Variants in GTF2H5 observed in about 807,000 individuals in gnomAD.
GTF2H5 encodes the protein TFB5 ortholog.
Under a neutral mutation model 7.1 loss-of-function variants are expected in GTF2H5, and 5 were observed. That is an observed-to-expected ratio of 0.71 (90% CI 0.37 to 1.49). The LOEUF is 1.49. Among genes scored for constraint, GTF2H5 ranks in the 40% most tolerant of loss-of-function variants. The probability of loss-of-function intolerance (pLI) is 0.03; values close to 1 mark genes in which losing one functional copy is unlikely to be tolerated. For missense variants in GTF2H5, 80 were observed against 83.0 expected (o/e 0.96, Z 0.14); for synonymous variants, 30 against 31.7 (o/e 0.95, Z 0.18).
At chr6:158,177,134 A>G (rs1785944707) in intron 2 of GTF2H5, among the ~76,000 whole-genome samples, 2 of 152,346 alleles carry the variant, frequency 1.3e-5, no homozygotes, top group South Asian at 4.1e-4. Flanking sequence ...TGTTCCCAAC[A>G]GTAAATCATT....
chr6:158,180,002 A>T (rs1047792494), intron 2 of GTF2H5, among the ~76,000 whole-genome samples: 6 of 152,188 alleles, frequency 3.9e-5, no homozygotes, highest in Non-Finnish European at 5.9e-5. Context: ...ATTATGAGAT[A>T]ATAAGAGATA....
Position 158,169,425 on chromosome 6 carries a change from A to ATG in GTF2H5, c.-35+1031_-35+1032insGT, listed in dbSNP as rs1562467982. Among the ~76,000 whole-genome samples the ATG allele has an allele frequency of 7.4e-4, 54 of 72,844 alleles. 1 individual carries two copies. Among genetic ancestry groups the ATG allele is most frequent in the African/African-American group, 3.2e-3 (50 of 15,644 alleles). 47.8% of individuals were successfully genotyped at this position (72,844 alleles called of 152,430 possible). A position where few individuals can be genotyped will look rare whatever the true frequency, so the allele number is the denominator to read the frequency against. ...TATTGTATATTATATATTATATATAATATATTGTATATTATATATATTATA... is the reference window on the plus strand; with the variant it reads ...TATTGTATATTATATATTATATATAATGTATATTGTATATTATATATATTATA... On this transcript the variant is annotated intron_variant, in intron 1 of 2. Transcript: ENST00000607778.
chr6:158,169,616 A>G lies in GTF2H5; in HGVS notation c.-34-854A>G, dbSNP rs1331027890. Among the ~76,000 whole-genome samples, 9 of 80,376 alleles carry G rather than the reference A, an allele frequency of 1.1e-4. No individual in the cohort carries two copies. The South Asian group carries it at 2.4e-3, about 22-fold the overall frequency. The allele number at this position is 80,376 out of a possible 152,430, so 52.7% of individuals were successfully genotyped here. A position where few individuals can be genotyped will look rare whatever the true frequency, so the allele number is the denominator to read the frequency against. ...TTGTATATTACATATATTGTATATT[A>G]CATATAATATATTGTATATTACATA... On this transcript the variant is annotated intron_variant, in intron 1 of 2. Transcript: ENST00000607778.
chr6:158,170,648 CTT>C, intron 2 of GTF2H5, 110 bp downstream of exon 2: 1 of 824,124 alleles, frequency 1.2e-6, no homozygotes, highest in Admixed American at 2.1e-5. Context: ...GAAATCAAGT[CTT>C]TCGCTTTTAA....
rs1370248256 is a variant in GTF2H5 at position 158,185,213 on chromosome 6, C to A, written c.36-6764C>A. Among the ~76,000 whole-genome samples the A allele has an allele frequency of 1.3e-5, 2 of 150,406 alleles. 1 individual carries two copies. Among genetic ancestry groups the A allele is most frequent in the Non-Finnish European group, 2.9e-5 (2 of 67,814 alleles). ...TTACATGTTATCTTTACTTCAGGTA[C>A]ATGCTTGAAAATTCAATCTCAAATT... On this transcript the variant is annotated intron_variant, in intron 2 of 2. Transcript: ENST00000607778.
intron 2 of GTF2H5, among the ~76,000 whole-genome samples, chr6:158,186,315 G>A (rs1312623365): frequency 1.3e-5 from 2 of 152,174 alleles, no homozygotes; most frequent in African/African-American, 4.8e-5. Context: ...ATTCCATTTA[G>A]AAAATTCCCA....
intron 1 of GTF2H5, among the ~76,000 whole-genome samples, chr6:158,169,733 G>GTATATTATATATTATATAA (rs1785803725): frequency 1.2e-4 from 9 of 72,246 alleles, no homozygotes; most frequent in African/African-American, 5.9e-4. Context: ...ATAATATATT[G>GTATATTATATATTATATAA]TATATTATAT....
chr6:158,172,857 G>GA (rs1048942742), intron 2 of GTF2H5, among the ~76,000 whole-genome samples: 6 of 151,602 alleles, frequency 4.0e-5, no homozygotes, highest in African/African-American at 9.7e-5. Context: ...GTTTTAATTT[G>GA]AAAAAAAAGA....
rs1777037632 is a variant in GTF2H5 at position 158,192,060 on chromosome 6, A to G, written c.119A>G (p.Asp40Gly). 1 of 1,612,908 alleles carries G rather than the reference A, an allele frequency of 6.2e-7. No homozygotes were observed. Among genetic ancestry groups the G allele is most frequent in the Non-Finnish European group, 8.5e-7 (1 of 1,179,010 alleles). The change falls in exon 3 of 3, where the codon GAC (aspartate) becomes GGC (glycine). Residue 40 changes from aspartate (D) to glycine (G), a missense_variant. By Grantham distance (94) the Asp-to-Gly change is moderately conservative. Coordinates refer to ENST00000607778, the MANE Select transcript of GTF2H5 (RefSeq NM_207118.3). ...AAGTTCATCATTCAAGACATTGATG[A>G]CACTCACGTCTTTGTAATAGCAGAA... Reference protein sequence around the residue: ...GKKFIIQDIDDTHVFVIAELV... With the variant: ...GKKFIIQDIDGTHVFVIAELV...
intron 2 of GTF2H5, among the ~76,000 whole-genome samples, chr6:158,177,678 C>T (rs9365965): frequency 0.34 from 51,608 of 151,910 alleles, 9,385 homozygotes; most frequent in Admixed American, 0.46. Context: ...CCCATCTACC[C>T]GTCACCTACA....
At chr6:158,174,926 C>T (rs925681004) in intron 2 of GTF2H5, among the ~76,000 whole-genome samples, 1 of 151,784 alleles carries the variant, frequency 6.6e-6, no homozygotes, top group Non-Finnish European at 1.5e-5. Flanking sequence ...TTTTTCTCAG[C>T]ATGTATAAAT....
In GTF2H5 at chr6:158,168,732, C is replaced by G. The variant is rs183893362; in HGVS notation, c.-35+337C>G. Among the ~76,000 whole-genome samples the G allele has an allele frequency of 3.9e-3, 590 of 152,378 alleles. 4 individuals are homozygous for G. The highest frequency in any genetic ancestry group is 0.014 in the African/African-American group (563 of 41,594). Reference sequence around the variant, plus strand: ...GTGAAGGGGCACAAGATCTGGAGATCTGGCTTGTACTTTTTTCCTTTGGCC... The same window carrying G: ...GTGAAGGGGCACAAGATCTGGAGATGTGGCTTGTACTTTTTTCCTTTGGCC... On this transcript the variant is annotated intron_variant, in intron 1 of 2. Coordinates refer to ENST00000607778, the MANE Select transcript of GTF2H5 (RefSeq NM_207118.3).
intron 2 of GTF2H5, among the ~76,000 whole-genome samples, chr6:158,174,650 A>G (rs1320385690): frequency 6.6e-6 from 1 of 152,342 alleles, no homozygotes. Context: ...CAAGCAACAC[A>G]TGACCACAGT....
At chr6:158,170,305 T>C (rs181804909) in intron 1 of GTF2H5, among the ~76,000 whole-genome samples, 165 bp from the exon 2 acceptor site, 1 of 152,306 alleles carries the variant, frequency 6.6e-6, no homozygotes, top group Admixed American at 6.5e-5. Context: ...CATTTTAATT[T>C]TGTTAAAAAA....
chr6:158,175,590 C>G (rs906923442), intron 2 of GTF2H5, among the ~76,000 whole-genome samples: 45 of 152,222 alleles, frequency 3.0e-4, no homozygotes, highest in African/African-American at 1.0e-3. Flanking sequence ...ATGGTAAAAC[C>G]CTGTCTCTAC....
chr6:158,186,239 A>G (rs141514759), intron 2 of GTF2H5, among the ~76,000 whole-genome samples: 2 of 152,344 alleles, frequency 1.3e-5, no homozygotes, highest in East Asian at 1.9e-4. Flanking sequence ...CAGCACAGAT[A>G]TGAGTCCTGA....
At position 158,170,493 on chromosome 6, in the gene GTF2H5, T is replaced by C. The variant is rs569348040; in HGVS notation, c.-11T>C. 6.2e-6 allele frequency: 10 copies of C among 1,605,798 alleles called. No homozygotes were observed. Among genetic ancestry groups the C allele is most frequent in the Admixed American group, 3.3e-5 (2 of 60,028 alleles). On this transcript the variant is annotated 5_prime_UTR_variant, in exon 2 of 3. Transcript: ENST00000607778. ...AGCATTCTTCAGGTCATCTGAACCT[T>C]CTGAGAAAACATGGTCAACGTCTTG...
chr6:158,169,341 C>CATATATATAATAT (rs1785709494), intron 1 of GTF2H5, among the ~76,000 whole-genome samples: 3 of 71,856 alleles, frequency 4.2e-5, no homozygotes, highest in East Asian at 6.9e-4. Context: ...ATATATAATA[C>CATATATATAATAT]GTATATTATA....
chr6:158,198,831 T>C lies in GTF2H5; in HGVS notation c.*6674T>C, dbSNP rs1777153288. ...ATCATTCTTCATCCCTCCCTCCCTTTCCTGCAGTTAATTATTTCTTTGAAA... is the reference window on the plus strand; with the variant it reads ...ATCATTCTTCATCCCTCCCTCCCTTCCCTGCAGTTAATTATTTCTTTGAAA... On this transcript the variant is annotated 3_prime_UTR_variant, in exon 3 of 3. Transcript: ENST00000607778. The C allele has an allele frequency of 6.6e-6, 1 of 152,200 alleles. No individual in the cohort carries two copies. Among genetic ancestry groups the C allele is most frequent in the South Asian group, 2.1e-4 (1 of 4,834 alleles). 9.4% of individuals were successfully genotyped at this position (152,200 alleles called of 1,614,324 possible). A position where few individuals can be genotyped will look rare whatever the true frequency, so the allele number is the denominator to read the frequency against.
Sources: gnomAD v4.1 joint callset for allele counts (sites outside exome capture counted in the v4.1 genomes callset) on GRCh38, gnomAD v4.1.1 for gene constraint, MANE v1.5 for transcripts, NCBI Gene and HGNC (gene_info 2026-07-23, HGNC 2026-07-21) for gene names.